The following CCDC88C variants were observed in gnomAD, a reference collection of about 807,000 sequenced individuals.
The protein encoded by CCDC88C is protein Daple.
CCDC88C carries 131 observed loss-of-function variants against 198.8 expected under a neutral mutation model. That is an observed-to-expected ratio of 0.66 (90% confidence interval 0.57 to 0.76). The LOEUF (loss-of-function observed/expected upper bound fraction) is 0.76, where lower values mean the gene tolerates loss of function less well. CCDC88C is among the 30% of genes least tolerant of loss of function. The probability of loss-of-function intolerance (pLI) is 0.00; values close to 1 mark genes in which losing one functional copy is unlikely to be tolerated. For synonymous variants in CCDC88C, 1,166 were observed against 1,114.7 expected (o/e 1.05, Z -0.92); for missense variants, 2,553 against 2,631.6 (o/e 0.97, Z 0.65).
At chr14:91,415,719 TC>T (rs1230271320) in intron 2 of CCDC88C, among the ~76,000 whole-genome samples, 25 of 145,300 alleles carry the variant, frequency 1.7e-4, no homozygotes, top group South Asian at 1.1e-3. Flanking sequence ...AAACTCCGTC[TC>T]CAAAAAAAAA....
chr14:91,413,788 A>C (rs1317270320), intron 2 of CCDC88C, among the ~76,000 whole-genome samples: 1 of 152,034 alleles, frequency 6.6e-6, no homozygotes, highest in Non-Finnish European at 1.5e-5. Context: ...CCCCCAGCCA[A>C]CCTCCACAAG....
Position 91,272,895 on chromosome 14 carries a change from G to C in CCDC88C, c.5817C>G (p.Thr1939=). ...FSPAAAPAAR[T]KPKAPPRSGE... ...CTGAGCGTGGGGGCGCCTTGGGCTTGGTCCTGGCAGCCGGGGCTGCAGCAG... is the reference window on the plus strand; with the variant it reads ...CTGAGCGTGGGGGCGCCTTGGGCTTCGTCCTGGCAGCCGGGGCTGCAGCAG... The change falls in exon 30 of 30, where the codon ACC becomes ACG. Residue 1939 remains threonine (T), a synonymous_variant. Transcript: ENST00000389857. 1 of 1,585,562 alleles carries C rather than the reference G, an allele frequency of 6.3e-7. No individual in the cohort carries two copies. Among genetic ancestry groups the C allele is most frequent in the Non-Finnish European group, 8.5e-7 (1 of 1,169,894 alleles).
intron 29 of CCDC88C, among the ~76,000 whole-genome samples, chr14:91,274,884 A>G (rs1889886884): frequency 6.6e-6 from 1 of 152,194 alleles, no homozygotes; most frequent in Admixed American, 6.5e-5. Flanking sequence ...ATGAAAGCCT[A>G]TGGCTGCCTG....
chr14:91,326,252 C>T (rs1364457606), intron 10 of CCDC88C, among the ~76,000 whole-genome samples, 196 bp from the exon 11 acceptor site: 2 of 151,892 alleles, frequency 1.3e-5, no homozygotes, highest in South Asian at 2.1e-4. Flanking sequence ...GTCACTCTGT[C>T]GCCCAGGCTG....
intron 3 of CCDC88C, among the ~76,000 whole-genome samples, chr14:91,393,079 G>T (rs1885618486): frequency 6.6e-6 from 1 of 152,164 alleles, no homozygotes; most frequent in African/African-American, 2.4e-5. Flanking sequence ...CTGGGCACTG[G>T]GCTGGGCATT....
chr14:91,273,432 G>A lies in CCDC88C; in HGVS notation c.5280C>T (p.Ala1760=), dbSNP rs755596208. 6 of 1,577,976 alleles carry A rather than the reference G, an allele frequency of 3.8e-6. No homozygotes were observed. The highest frequency in any genetic ancestry group is 2.3e-5 in the East Asian group (1 of 44,074). Residue 1760 remains alanine, a synonymous_variant, in exon 30 of 30, where the codon GCC becomes GCT. Coordinates refer to ENST00000389857, the MANE Select transcript of CCDC88C (RefSeq NM_001080414.4). This position sits in a 1 kb window ranked among gnomAD's most constrained non-coding sequence, Gnocchi z 5.6. ...TCGGGGCCACGCTGGGTGGGGCCTC[G>A]GCCTCAGTCAGTCTGAAGTTTGGCT... is the stretch of plus-strand genomic sequence containing the variant. ...YVKPNFRLTE[A]EAPPSVAPRQ...
intron 3 of CCDC88C, among the ~76,000 whole-genome samples, chr14:91,372,528 C>CG (rs199749681): frequency 0.38 from 9,189 of 24,360 alleles, 1,078 homozygotes; most frequent in Admixed American, 0.45. Flanking sequence ...GGCAGTGGTG[C>CG]GGGGGGGGGC....
At chr14:91,290,650 A>T (rs929449210) in intron 24 of CCDC88C, among the ~76,000 whole-genome samples, 1 of 152,248 alleles carries the variant, frequency 6.6e-6, no homozygotes, top group Non-Finnish European at 1.5e-5. Context: ...AAATAGGAAC[A>T]TGGGTGTCCA....
intron 15 of CCDC88C, among the ~76,000 whole-genome samples, chr14:91,312,145 T>A (rs1245040937): frequency 6.6e-6 from 1 of 152,202 alleles, no homozygotes; most frequent in Non-Finnish European, 1.5e-5. Context: ...TCCCAGCACT[T>A]TGGGAGCCTG....
chr14:91,360,251 T>TCCACACACACACACACAC (rs1894246235), intron 3 of CCDC88C, among the ~76,000 whole-genome samples: 1 of 48,268 alleles, frequency 2.1e-5, no homozygotes, highest in Non-Finnish European at 4.1e-5. Flanking sequence ...AGACCCCATC[T>TCCACACACACACACACAC]TCACACACAC....
rs1892067235 is a variant in CCDC88C, at chr14:91,315,779, C to T, written c.1536G>A (p.Lys512=). Residue 512 remains lysine (K), a synonymous_variant, in exon 14 of 30, where the codon AAG becomes AAA. Transcript: ENST00000389857. ...ENHQLSKKIE[K]LQTQLEREKQ... Reference sequence around the variant, plus strand: ...TTTCTCTCTCCAGCTGGGTTTGTAACTTTTCAATCTGCAGAACCAAAAGAC... The same window carrying T: ...TTTCTCTCTCCAGCTGGGTTTGTAATTTTTCAATCTGCAGAACCAAAAGAC... 4 of 1,612,234 alleles carry T rather than the reference C, an allele frequency of 2.5e-6. No individual in the cohort carries two copies. Among genetic ancestry groups the T allele is most frequent in the Non-Finnish European group, 3.4e-6 (4 of 1,179,100 alleles).
At chr14:91,399,078 TG>T (rs972360135) in intron 3 of CCDC88C, among the ~76,000 whole-genome samples, 1 of 152,146 alleles carries the variant, frequency 6.6e-6, no homozygotes, top group African/African-American at 2.4e-5. Context: ...ACTGTCATCT[TG>T]GGGAGTCCCA....
chr14:91,354,921 G>A, intron 4 of CCDC88C, among the ~76,000 whole-genome samples: 1 of 152,232 alleles, frequency 6.6e-6, no homozygotes, highest in Non-Finnish European at 1.5e-5. Flanking sequence ...AGGGAAAGCA[G>A]AGCAGAACAA....
chr14:91,391,125 G>A (rs1341235103), intron 3 of CCDC88C, among the ~76,000 whole-genome samples: 2 of 152,180 alleles, frequency 1.3e-5, no homozygotes, highest in African/African-American at 4.8e-5. Context: ...CTAGAAGCCT[G>A]AGAAGCTTGC....
At position 91,299,914 on chromosome 14, in the gene CCDC88C, C is replaced by T. The variant is rs374118295; in HGVS notation, c.3779+13G>A. 12 of 1,575,062 alleles carry T rather than the reference C, an allele frequency of 7.6e-6. No homozygotes were observed. The highest frequency in any genetic ancestry group is 3.4e-5 in the South Asian group (3 of 87,466). ...GGGTGCTGCTATGTGCAGGGCCGGG[C>T]GCCGGCGCTCACCTGTCCAGCTCGC... On this transcript the variant is annotated intron_variant, in intron 21 of 29. Coordinates refer to ENST00000389857, the MANE Select transcript of CCDC88C (RefSeq NM_001080414.4).
At chr14:91,283,848 G>A (rs1890298530) in intron 25 of CCDC88C, among the ~76,000 whole-genome samples, 1 of 152,202 alleles carries the variant, frequency 6.6e-6, no homozygotes, top group Non-Finnish European at 1.5e-5. Context: ...TTCACTCTAG[G>A]ACACATCTCC....
chr14:91,407,109 C>T (rs528047028), intron 3 of CCDC88C, among the ~76,000 whole-genome samples: 14 of 152,250 alleles, frequency 9.2e-5, no homozygotes, highest in Non-Finnish European at 1.9e-4. Flanking sequence ...AGGAGGAGGA[C>T]GGAAACAACC....
Position 91,303,919 on chromosome 14 carries a change from C to G in CCDC88C, c.3417G>C (p.Leu1139=). 1 of 1,612,124 alleles carries G rather than the reference C, an allele frequency of 6.2e-7. No individual in the cohort carries two copies. The highest frequency in any genetic ancestry group is 8.5e-7 in the Non-Finnish European group (1 of 1,179,878). The change falls in exon 20 of 30, where the codon CTG becomes CTC. Residue 1139 remains leucine, a synonymous_variant. Coordinates refer to ENST00000389857, the MANE Select transcript of CCDC88C (RefSeq NM_001080414.4). ...SAALTAQYTL[L]QNHHTAKETE... is the part of the protein sequence containing the mutation. ...TCTCCTTGGCCGTGTGGTGGTTCTGCAGCAGCGTGTACTGCGCGGTGAGCG... is the reference window on the plus strand; with the variant it reads ...TCTCCTTGGCCGTGTGGTGGTTCTGGAGCAGCGTGTACTGCGCGGTGAGCG...
At chr14:91,378,016 G>GT (rs1370206201) in intron 3 of CCDC88C, among the ~76,000 whole-genome samples, 2 of 152,132 alleles carry the variant, frequency 1.3e-5, no homozygotes, top group Non-Finnish European at 2.9e-5. Context: ...GAGGAGAGTG[G>GT]TACAGAATTG....
Sources: gnomAD v4.1 joint callset for allele counts (sites outside exome capture counted in the v4.1 genomes callset) on GRCh38, gnomAD v4.1.1 for gene constraint, Gnocchi (gnomAD v3.1) non-coding constraint, MANE v1.5 for transcripts, NCBI Gene and HGNC (gene_info 2026-07-23, HGNC 2026-07-21) for gene names.